The following TMEM68 variants were observed in gnomAD, a reference collection of about 807,000 sequenced individuals.
The protein encoded by TMEM68 is DGAT1/2-independent enzyme synthesizing storage lipids.
A neutral mutation model predicts 36.9 loss-of-function variants in TMEM68; 25 were observed. That is an observed-to-expected ratio of 0.68 (90% CI 0.49 to 0.95). TMEM68 has a LOEUF of 0.95. Among genes scored for constraint, TMEM68 ranks in the 40% least tolerant of loss-of-function variants. The pLI is 0.00. For missense variants in TMEM68, 333 were observed against 392.0 expected (o/e 0.85, Z 1.27); for synonymous variants, 131 against 124.4 (o/e 1.05, Z -0.35).
chr8:55,761,669 T>C (rs1462759390), intron 3 of TMEM68: 2 of 152,216 alleles, frequency 1.3e-5, no homozygotes, highest in Non-Finnish European at 2.9e-5. Flanking sequence ...GTGTCTGGCA[T>C]AGGTAGGTGC....
intron 1 of TMEM68, among the ~76,000 whole-genome samples, chr8:55,771,975 T>TA (rs1811187541): frequency 6.6e-6 from 1 of 152,196 alleles, no homozygotes; most frequent in South Asian, 2.1e-4. Flanking sequence ...GACTTTTCTT[T>TA]AATCCTAGAA....
chr8:55,768,360 G>A (rs59886433), intron 1 of TMEM68, among the ~76,000 whole-genome samples: 9,252 of 152,172 alleles, frequency 0.061, 328 homozygotes, highest in African/African-American at 0.097. Flanking sequence ...GAAAGAAACA[G>A]GTGGGTATCT....
rs1236256881 is a variant in TMEM68, at chr8:55,745,255, C to T, written c.688-134G>A. The T allele has an allele frequency of 1.1e-4, 48 of 455,642 alleles. No individual in the cohort carries two copies. The East Asian group carries it at 1.5e-3, about 15-fold the overall frequency. 28.2% of individuals were successfully genotyped at this position (455,642 alleles called of 1,614,324 possible). ...CTATGGCCATGCCACCCTGAACATG[C>T]CCAATCTCGTCTGATCCCAGAAGCT... On this transcript the variant is annotated intron_variant, in intron 5 of 7. Transcript: ENST00000434581.
intron 1 of TMEM68, among the ~76,000 whole-genome samples, chr8:55,767,974 C>T (rs1585736227): frequency 6.6e-6 from 1 of 152,082 alleles, no homozygotes; most frequent in African/African-American, 2.4e-5. Flanking sequence ...AGTCTTGAGG[C>T]ACCCAACATT....
intron 3 of TMEM68, among the ~76,000 whole-genome samples, chr8:55,759,328 T>C (rs1429486644): frequency 6.6e-6 from 1 of 151,494 alleles, no homozygotes; most frequent in Admixed American, 6.6e-5. Context: ...ACCAGCACTT[T>C]GGGAGGGTGA....
rs1473234948 is a variant in TMEM68, at chr8:55,766,754, G to A, written c.-114-2774C>T. On this transcript the variant is annotated intron_variant, in intron 1 of 7. Coordinates refer to ENST00000434581, the MANE Select transcript of TMEM68 (RefSeq NM_001286657.2). ...CAGAAGGGTGAGGTTGCCTGGCTTG[G>A]GTTTTAAGTGGCTGCTGTGTTGAGA... 4.6e-5 allele frequency among the ~76,000 whole-genome samples: 7 copies of A among 152,126 alleles called. No individual in the cohort carries two copies. In the South Asian group the frequency reaches 8.3e-4, roughly 18 times the overall value.
rs1016348316 is a variant in TMEM68, at chr8:55,739,991, C to T, written c.*141G>A. 15 of 615,786 alleles carry T rather than the reference C, an allele frequency of 2.4e-5. No homozygotes were observed. Among genetic ancestry groups the T allele is most frequent in the African/African-American group, 9.5e-5 (5 of 52,664 alleles). The allele number at this position is 615,786 out of a possible 1,614,324, so 38.1% of individuals were successfully genotyped here. A position where few individuals can be genotyped will look rare whatever the true frequency, so the allele number is the denominator to read the frequency against. On this transcript the variant is annotated 3_prime_UTR_variant, in exon 8 of 8. Coordinates refer to ENST00000434581, the MANE Select transcript of TMEM68 (RefSeq NM_001286657.2). The stretch of plus-strand genomic sequence containing the variant: ...AACAAAATTGACTATTTTAAAGAAA[C>T]GAATTCTGTGAAAGATGCTTATTAA...
At chr8:55,754,706 TTATA>T (rs1290695302) in intron 4 of TMEM68, among the ~76,000 whole-genome samples, 3 of 126,162 alleles carry the variant, frequency 2.4e-5, no homozygotes, top group African/African-American at 9.3e-5. Flanking sequence ...AAATACATAC[TTATA>T]TATATATTAT....
intron 6 of TMEM68, among the ~76,000 whole-genome samples, chr8:55,744,847 A>C (rs957651491): frequency 6.6e-6 from 1 of 152,176 alleles, no homozygotes; most frequent in Admixed American, 6.5e-5. Context: ...CATTTGAAGA[A>C]CTTCAGTGTG....
Position 55,756,247 on chromosome 8 carries a change from G to A in TMEM68, c.490C>T (p.Pro164Ser). Residue 164 changes from proline (P) to serine (S), a missense_variant, in exon 4 of 8, where the codon CCA (proline) becomes TCA (serine). Physicochemically the swap from Pro to Ser is moderately conservative, Grantham distance 74 (BLOSUM62 -1). Coordinates refer to ENST00000434581, the MANE Select transcript of TMEM68 (RefSeq NM_001286657.2). Reference protein sequence around the residue: ...VVADHFVFKIPGFSLLLDVFC... With the variant: ...VVADHFVFKISGFSLLLDVFC... The stretch of plus-strand genomic sequence containing the variant: ...ACTATCTACAGTGAAAGTTTACCTG[G>A]AATTTTAAAGACAAAGTGATCAGCT... The A allele has an allele frequency of 1.3e-6, 2 of 1,592,690 alleles. No homozygotes were observed. Among genetic ancestry groups the A allele is most frequent in the Non-Finnish European group, 1.7e-6 (2 of 1,175,112 alleles).
At chr8:55,760,455 A>T (rs868107828) in intron 3 of TMEM68, among the ~76,000 whole-genome samples, 20 of 152,388 alleles carry the variant, frequency 1.3e-4, no homozygotes, top group Middle Eastern at 6.8e-3. Flanking sequence ...GAGTGGTTGT[A>T]ATAGGAAAGG....
intron 3 of TMEM68, among the ~76,000 whole-genome samples, chr8:55,759,407 C>T (rs912639602): frequency 2.4e-4 from 36 of 151,726 alleles, no homozygotes; most frequent in Non-Finnish European, 4.3e-4. Flanking sequence ...CCCATCTCTA[C>T]TAAAAATACA....
chr8:55,751,351 A>G (rs1810423146), intron 4 of TMEM68, 194 bp from the exon 5 acceptor site: 1 of 541,310 alleles, frequency 1.8e-6, no homozygotes, highest in Non-Finnish European at 3.2e-6. Flanking sequence ...ATTCTTAAGT[A>G]AAACTCACAA....
At chr8:55,765,814 A>C (rs928124231) in intron 1 of TMEM68, among the ~76,000 whole-genome samples, 2 of 152,212 alleles carry the variant, frequency 1.3e-5, no homozygotes, top group Non-Finnish European at 2.9e-5. Flanking sequence ...GACTGAACAT[A>C]CTGGAATACT....
intron 1 of TMEM68, among the ~76,000 whole-genome samples, chr8:55,766,107 T>C (rs1810954680): frequency 6.6e-6 from 1 of 152,136 alleles, no homozygotes; most frequent in Non-Finnish European, 1.5e-5. Context: ...AATATGGAGT[T>C]CTATGTCAGG....
At chr8:55,761,478 G>T (rs1810790104) in intron 3 of TMEM68, 1 of 152,062 alleles carries the variant, frequency 6.6e-6, no homozygotes, top group South Asian at 2.1e-4. Context: ...ACCTCCAAGA[G>T]CTCTCTCAAA....
At chr8:55,768,899 C>T (rs1811058208) in intron 1 of TMEM68, among the ~76,000 whole-genome samples, 1 of 150,822 alleles carries the variant, frequency 6.6e-6, no homozygotes, top group African/African-American at 2.4e-5. Flanking sequence ...ACCAATGATC[C>T]CAGCCACTTG....
At chr8:55,745,195 G>T in intron 5 of TMEM68, 74 bp from the exon 6 acceptor site, 2 of 1,017,430 alleles carry the variant, frequency 2.0e-6, no homozygotes, top group Non-Finnish European at 2.7e-6. Context: ...AGTAACTAAT[G>T]CAAACTTTTT....
At chr8:55,772,451 T>C (rs1811208585) in intron 1 of TMEM68, among the ~76,000 whole-genome samples, 1 of 152,226 alleles carries the variant, frequency 6.6e-6, no homozygotes, top group African/African-American at 2.4e-5. Context: ...CCAGCAACGC[T>C]GCTGTTTCCA....
Sources: gnomAD v4.1 joint callset for allele counts (sites outside exome capture counted in the v4.1 genomes callset) on GRCh38, gnomAD v4.1.1 for gene constraint, MANE v1.5 for transcripts, NCBI Gene and HGNC (gene_info 2026-07-23, HGNC 2026-07-21) for gene names.